Variants in RTKN observed in about 807,000 individuals in gnomAD.
The protein encoded by RTKN is rhotekin.
Under a neutral mutation model 63.5 loss-of-function variants are expected in RTKN, and 49 were observed. The observed-to-expected ratio is 0.77, with a 90% CI of 0.61 to 0.98. The LOEUF (loss-of-function observed/expected upper bound fraction) is 0.98. Ranked by LOEUF, RTKN falls within the 50% of genes least tolerant of loss-of-function variation. RTKN has a pLI of 0.00. For missense variants in RTKN, 685 were observed against 740.8 expected, an observed-to-expected ratio of 0.92 and a Z score of 0.87; for synonymous variants, 295 against 290.4, an observed-to-expected ratio of 1.02 and a Z score of -0.16.
chr2:74,428,592 C>G (rs1670551744), intron 8 of RTKN, 39 bp downstream of exon 8: 1 of 1,578,120 alleles, frequency 6.3e-7, no homozygotes, highest in East Asian at 2.3e-5. Context: ...TCTCCTCTGC[C>G]TTCTCCCTGC....
Position 74,436,106 on chromosome 2 carries a change from A to C in RTKN, c.112-3440T>G, listed in dbSNP as rs1015869142. Among the ~76,000 whole-genome samples the C allele has an allele frequency of 6.6e-6, 1 of 152,198 alleles. No homozygotes were observed. Among genetic ancestry groups the C allele is most frequent in the Non-Finnish European group, 1.5e-5 (1 of 68,044 alleles). On this transcript the variant is annotated intron_variant, in intron 1 of 11. Coordinates refer to ENST00000272430, the MANE Select transcript of RTKN (RefSeq NM_001015055.2). This position sits in a 1 kb window ranked among gnomAD's most constrained non-coding sequence, Gnocchi z 4.3. ...ACCCAGCTTCAGCCACAAACATCCCAAATGGGTGAGCCTGGCAGGAGGGGG... is the reference window on the plus strand; with the variant it reads ...ACCCAGCTTCAGCCACAAACATCCCCAATGGGTGAGCCTGGCAGGAGGGGG...
intron 8 of RTKN, 92 bp from the exon 9 acceptor site, chr2:74,428,488 C>A: frequency 3.1e-6 from 5 of 1,603,382 alleles, no homozygotes; most frequent in South Asian, 1.1e-5. Context: ...TTTTGTCCAC[C>A]CTGCTGTCCA....
chr2:74,430,900 C>T, intron 2 of RTKN: 1 of 573,142 alleles, frequency 1.7e-6, no homozygotes, highest in Non-Finnish European at 3.1e-6. Flanking sequence ...TTAACTCACA[C>T]ATAAGGCACA....
At chr2:74,426,666 G>T in intron 11 of RTKN, 92 bp from the exon 12 acceptor site, 1 of 1,466,384 alleles carries the variant, frequency 6.8e-7, no homozygotes. Context: ...ACTGTAATAG[G>T]AGGAAAGCAA....
At position 74,426,231 on chromosome 2, in the gene RTKN, C is replaced by A. The variant is rs552787421; in HGVS notation, c.*12G>T. On this transcript the variant is annotated 3_prime_UTR_variant, in exon 12 of 12. Coordinates refer to ENST00000272430, the MANE Select transcript of RTKN (RefSeq NM_001015055.2). ...CTCTTCTGGGCAGATCCTATGCCAG[C>A]ACCTTTCTCTCTCACACTGGTGACT... The A allele has an allele frequency of 8.7e-5, 140 of 1,611,168 alleles. No individual in the cohort carries two copies. Among genetic ancestry groups the A allele is most frequent in the Non-Finnish European group, 1.0e-4 (118 of 1,177,488 alleles).
intron 1 of RTKN, 109 bp downstream of exon 1, chr2:74,441,597 C>T: frequency 1.3e-6 from 1 of 744,654 alleles, no homozygotes; most frequent in South Asian, 1.7e-5. Context: ...GTACCCAGAC[C>T]GTGCGTCTCC....
intron 11 of RTKN, 27 bp downstream of exon 11, chr2:74,427,142 C>T (rs770605083): frequency 2.5e-6 from 4 of 1,598,628 alleles, no homozygotes; most frequent in Admixed American, 3.3e-5. Context: ...CCATTAGCTT[C>T]CTGGAGTTCA....
chr2:74,439,571 G>A (rs753154173), intron 1 of RTKN: 2 of 1,614,182 alleles, frequency 1.2e-6, no homozygotes, highest in South Asian at 2.2e-5. Context: ...AGTGCCATCT[G>A]CCGAATGTAG....
intron 1 of RTKN, among the ~76,000 whole-genome samples, chr2:74,441,362 G>A (rs576657829): frequency 1.6e-4 from 25 of 152,314 alleles, no homozygotes; most frequent in African/African-American, 4.3e-4. Context: ...AGCGCTTGGG[G>A]CCCGCCTAGC....
chr2:74,432,369 T>C lies in RTKN; in HGVS notation c.311+98A>G, dbSNP rs964592186. On this transcript the variant is annotated intron_variant, in intron 2 of 11. Transcript: ENST00000272430. ...CTGATAAGACTTCATGGGGAAGTCATCTTTAAGGTGGTCCACATGCCACAC... is the reference window on the plus strand; with the variant it reads ...CTGATAAGACTTCATGGGGAAGTCACCTTTAAGGTGGTCCACATGCCACAC... 12 of 1,170,166 alleles carry C rather than the reference T, an allele frequency of 1.0e-5. 1 individual carries two copies. Among genetic ancestry groups the C allele is most frequent in the Non-Finnish European group, 1.1e-5 (9 of 789,024 alleles). The allele number at this position is 1,170,166 out of a possible 1,614,324, so 72.5% of individuals were successfully genotyped here.
chr2:74,430,870 C>T (rs1344263601), intron 2 of RTKN, 193 bp from the exon 3 acceptor site: 1 of 600,114 alleles, frequency 1.7e-6, no homozygotes, highest in Non-Finnish European at 2.9e-6. Flanking sequence ...CTTGGGGACA[C>T]CAGGGACACT....
chr2:74,439,762 G>A, intron 1 of RTKN: 1 of 1,504,616 alleles, frequency 6.6e-7, no homozygotes, highest in Non-Finnish European at 8.9e-7. Flanking sequence ...GAGGGCAGAA[G>A]CTGCCCTTAT....
In RTKN at chr2:74,426,436, G is replaced by A; in HGVS notation, c.1499C>T (p.Ser500Leu). 6.2e-7 allele frequency: 1 copy of A among 1,612,480 alleles called. No individual in the cohort carries two copies. Among genetic ancestry groups the A allele is most frequent in the Middle Eastern group, 1.7e-4 (1 of 6,032 alleles). ...PALPNPCSPASVAPAPDWTHP... is the reference protein window; with the variant it reads ...PALPNPCSPALVAPAPDWTHP... ...GGTCCAGTCTGGGGCTGGGGCCACTGAGGCAGGCGAGCAGGGGTTAGGCAG... is the reference window on the plus strand; with the variant it reads ...GGTCCAGTCTGGGGCTGGGGCCACTAAGGCAGGCGAGCAGGGGTTAGGCAG... Residue 500 changes from serine to leucine, a missense_variant, in exon 12 of 12, where the codon TCA becomes TTA. Transcript: ENST00000272430.
At chr2:74,431,321 C>T (rs1414108921) in intron 2 of RTKN, among the ~76,000 whole-genome samples, 3 of 152,142 alleles carry the variant, frequency 2.0e-5, no homozygotes, top group Admixed American at 1.3e-4. Flanking sequence ...AGCTCCCCCA[C>T]ACCCCACTGC....
In RTKN at chr2:74,428,650, C is replaced by T; in HGVS notation, c.938G>A (p.Ser313Asn). ...QPLCMTQPTASGTLRVQQAGE... is the reference protein window; with the variant it reads ...QPLCMTQPTANGTLRVQQAGE... The stretch of plus-strand genomic sequence containing the variant: ...CCTCACCTGCACCCTGAGGGTACCA[C>T]TTGCAGTGGGCTGAGTCATGCAGAG... The change falls in exon 8 of 12, where the codon AGT becomes AAT. Residue 313 changes from serine (S) to asparagine (N), a missense_variant. Transcript: ENST00000272430. 1.2e-6 allele frequency: 2 copies of T among 1,613,870 alleles called. No individual in the cohort carries two copies. Among genetic ancestry groups the T allele is most frequent in the Non-Finnish European group, 1.7e-6 (2 of 1,179,896 alleles).
rs531660255 is a variant in RTKN at position 74,425,854 on chromosome 2, C to T, written c.*389G>A. ...CAGGTCTAGACCAGGCAGAGAGAGG[C>T]ACCCTGTCCTCAGGAGCCAGGTGAA... is the stretch of plus-strand genomic sequence containing the variant. On this transcript the variant is annotated 3_prime_UTR_variant, in exon 12 of 12. Coordinates refer to ENST00000272430, the MANE Select transcript of RTKN (RefSeq NM_001015055.2). 3.6e-5 allele frequency: 47 copies of T among 1,315,966 alleles called. No individual in the cohort carries two copies. Among genetic ancestry groups the T allele is most frequent in the Middle Eastern group, 5.4e-4 (2 of 3,718 alleles). 81.5% of individuals were successfully genotyped at this position (1,315,966 alleles called of 1,614,324 possible). A position where few individuals can be genotyped will look rare whatever the true frequency, so the allele number is the denominator to read the frequency against.
intron 1 of RTKN, among the ~76,000 whole-genome samples, chr2:74,439,064 A>G (rs1209263673): frequency 1.3e-5 from 2 of 152,202 alleles, no homozygotes; most frequent in Non-Finnish European, 2.9e-5. Context: ...TAGGGAGATC[A>G]CTTGAGCCAG....
intron 1 of RTKN, among the ~76,000 whole-genome samples, chr2:74,438,067 G>A (rs778421440): frequency 6.0e-5 from 9 of 151,182 alleles, no homozygotes; most frequent in Non-Finnish European, 1.3e-4. Context: ...CAGGGCTTGA[G>A]GGGGGACAGC....
rs987987865 is a variant in RTKN at position 74,436,884 on chromosome 2, C to G, written c.112-4218G>C. 1.3e-5 allele frequency among the ~76,000 whole-genome samples: 2 copies of G among 152,328 alleles called. No homozygotes were observed. Among genetic ancestry groups the G allele is most frequent in the South Asian group, 2.1e-4 (1 of 4,830 alleles). On this transcript the variant is annotated intron_variant, in intron 1 of 11. Transcript: ENST00000272430. The surrounding 1 kb of genome is among the most constrained non-coding windows in gnomAD (Gnocchi z 4.3). ...GGATAGTTCCTTGTTGCCCCCTCCC[C>G]ACCCAAACACACCCTCTCCCCAAGC... is the stretch of plus-strand genomic sequence containing the variant.
Sources: gnomAD v4.1 joint callset for allele counts (sites outside exome capture counted in the v4.1 genomes callset) on GRCh38, gnomAD v4.1.1 for gene constraint, Gnocchi (gnomAD v3.1) non-coding constraint, MANE v1.5 for transcripts, NCBI Gene and HGNC (gene_info 2026-07-23, HGNC 2026-07-21) for gene names.